Variants in CHCHD3 observed in about 807,000 individuals in gnomAD.
CHCHD3 encodes the protein MICOS complex subunit MIC19.
CHCHD3 carries 20 observed loss-of-function variants against 38.2 expected under a neutral mutation model. The ratio of observed to expected loss-of-function variants is 0.52; its 90% CI spans 0.37 to 0.76. The LOEUF is 0.76. Ranked by LOEUF, CHCHD3 falls within the 30% of genes least tolerant of loss-of-function variation. CHCHD3 has a pLI of 0.00. For missense variants in CHCHD3, 245 were observed against 279.2 expected, an observed-to-expected ratio of 0.88 and a Z score of 0.87; for synonymous variants, 82 against 100.0, an observed-to-expected ratio of 0.82 and a Z score of 1.07.
intron 4 of CHCHD3, among the ~76,000 whole-genome samples, chr7:132,907,685 T>A (rs1809831418): frequency 6.6e-6 from 1 of 151,838 alleles, no homozygotes; most frequent in Non-Finnish European, 1.5e-5. Flanking sequence ...CCGCTAAAGG[T>A]TTTTGAGCAC....
chr7:132,850,332 C>T (rs1808183710), intron 5 of CHCHD3, among the ~76,000 whole-genome samples: 1 of 152,040 alleles, frequency 6.6e-6, no homozygotes, highest in Non-Finnish European at 1.5e-5. Context: ...CCTTTCGTTC[C>T]ATCTTTACTC....
intron 6 of CHCHD3, among the ~76,000 whole-genome samples, chr7:132,802,023 C>A (rs932655210): frequency 1.3e-5 from 2 of 152,146 alleles, no homozygotes; most frequent in African/African-American, 2.4e-5. Context: ...CCTATCCCTG[C>A]TAAAATGAGC....
At chr7:132,976,868 T>G (rs1811780807) in intron 3 of CHCHD3, among the ~76,000 whole-genome samples, 1 of 152,130 alleles carries the variant, frequency 6.6e-6, no homozygotes, top group African/African-American at 2.4e-5. Flanking sequence ...AGTCACCTTG[T>G]GAGATATATT....
intron 5 of CHCHD3, among the ~76,000 whole-genome samples, chr7:132,872,072 G>T (rs1237854777): frequency 6.6e-6 from 1 of 152,202 alleles, no homozygotes; most frequent in Admixed American, 6.5e-5. Context: ...AAGGTTAAAA[G>T]TACGGCTGGC....
At chr7:132,895,506 G>C (rs928223020) in intron 4 of CHCHD3, among the ~76,000 whole-genome samples, 1 of 152,246 alleles carries the variant, frequency 6.6e-6, no homozygotes, top group Non-Finnish European at 1.5e-5. Flanking sequence ...GATATGGTTT[G>C]GCTGTGTCCC....
At position 132,856,199 on chromosome 7, in the gene CHCHD3, C is replaced by T. The variant is rs1808338870; in HGVS notation, c.454-17730G>A. 2.6e-5 allele frequency among the ~76,000 whole-genome samples: 4 copies of T among 151,808 alleles called. No individual in the cohort carries two copies. In the South Asian group the frequency reaches 8.3e-4, roughly 32 times the overall value. On this transcript the variant is annotated intron_variant, in intron 5 of 7. Coordinates refer to ENST00000262570, the MANE Select transcript of CHCHD3 (RefSeq NM_017812.4). ...CTGTGTATTCTGCCTAGTGTAGGTCCAAGTCCTTCCAAACAAGACCTATAA... is the reference window on the plus strand; with the variant it reads ...CTGTGTATTCTGCCTAGTGTAGGTCTAAGTCCTTCCAAACAAGACCTATAA...
intron 6 of CHCHD3, among the ~76,000 whole-genome samples, chr7:132,806,221 G>A (rs903953808): frequency 1.3e-5 from 2 of 152,190 alleles, no homozygotes; most frequent in Non-Finnish European, 2.9e-5. Flanking sequence ...CTGATAAATG[G>A]CCAAGGAATG....
intron 6 of CHCHD3, among the ~76,000 whole-genome samples, chr7:132,801,895 T>C (rs969723928): frequency 1.3e-5 from 2 of 152,168 alleles, no homozygotes; most frequent in African/African-American, 4.8e-5. Flanking sequence ...CAGATCTACG[T>C]GGGGAACGTG....
intron 2 of CHCHD3, among the ~76,000 whole-genome samples, chr7:133,041,788 T>G (rs1348140095): frequency 6.6e-6 from 1 of 152,246 alleles, no homozygotes; most frequent in African/African-American, 2.4e-5. Context: ...CACCCTGTCC[T>G]GGCTGTCCCC....
At chr7:132,924,147 G>C (rs1046689906) in intron 4 of CHCHD3, among the ~76,000 whole-genome samples, 2 of 152,154 alleles carry the variant, frequency 1.3e-5, no homozygotes, top group Non-Finnish European at 2.9e-5. Flanking sequence ...ATTTCCATGA[G>C]AGTAAGATCA....
intron 5 of CHCHD3, among the ~76,000 whole-genome samples, chr7:132,866,800 C>A (rs1808637019): frequency 6.6e-6 from 1 of 152,190 alleles, no homozygotes; most frequent in Non-Finnish European, 1.5e-5. Flanking sequence ...GAAAAGCAAA[C>A]CTGGCACTTT....
chr7:132,865,916 T>TAGCG (rs1335782920), intron 5 of CHCHD3, among the ~76,000 whole-genome samples: 1 of 152,124 alleles, frequency 6.6e-6, no homozygotes, highest in Non-Finnish European at 1.5e-5. Context: ...TCCTTCTGGG[T>TAGCG]AGCGCAGTTT....
intron 5 of CHCHD3, 106 bp from the exon 6 acceptor site, chr7:132,838,575 G>A: frequency 1.3e-6 from 1 of 779,400 alleles, no homozygotes; most frequent in South Asian, 1.7e-5. Context: ...AGCCACTCAA[G>A]CAGTAGAAGA....
At chr7:132,804,672 G>A (rs1238947625) in intron 6 of CHCHD3, among the ~76,000 whole-genome samples, 1 of 152,166 alleles carries the variant, frequency 6.6e-6, no homozygotes, top group Non-Finnish European at 1.5e-5. Context: ...CAAAATTTAA[G>A]TTTGTGGTGA....
chr7:132,955,173 G>GGTGTGT (rs3050414), intron 4 of CHCHD3, among the ~76,000 whole-genome samples: 6,847 of 126,134 alleles, frequency 0.054, 266 homozygotes, highest in South Asian at 0.1. Context: ...TCCCTCAGAG[G>GGTGTGT]GTGTGTGTGT....
At chr7:132,800,247 T>A (rs1198118610) in intron 6 of CHCHD3, among the ~76,000 whole-genome samples, 2 of 152,222 alleles carry the variant, frequency 1.3e-5, no homozygotes, top group African/African-American at 4.8e-5. Flanking sequence ...AATTATTAAC[T>A]ACCATTTCTG....
chr7:132,895,859 C>T (rs935108705), intron 4 of CHCHD3, among the ~76,000 whole-genome samples: 1 of 152,298 alleles, frequency 6.6e-6, no homozygotes, highest in East Asian at 1.9e-4. Flanking sequence ...CAGACTACTA[C>T]AAGAGGATTG....
intron 6 of CHCHD3, among the ~76,000 whole-genome samples, chr7:132,815,875 A>C (rs1197686814): frequency 6.6e-6 from 1 of 152,224 alleles, no homozygotes; most frequent in Non-Finnish European, 1.5e-5. Flanking sequence ...TCAATGCTTA[A>C]GCCAGTGACA....
chr7:133,051,650 T>G (rs545333044), intron 2 of CHCHD3, among the ~76,000 whole-genome samples: 1 of 152,216 alleles, frequency 6.6e-6, no homozygotes, highest in Non-Finnish European at 1.5e-5. Flanking sequence ...CATATGTATA[T>G]GTATGAATGA....
Sources: gnomAD v4.1 joint callset for allele counts (sites outside exome capture counted in the v4.1 genomes callset) on GRCh38, gnomAD v4.1.1 for gene constraint, MANE v1.5 for transcripts, NCBI Gene and HGNC (gene_info 2026-07-23, HGNC 2026-07-21) for gene names.